CRACD: variants seen among roughly 807,000 people sequenced by gnomAD.
CRACD encodes capping protein-inhibiting regulator of actin dynamics.
CRACD carries 56 observed loss-of-function variants against 106.8 expected under a neutral mutation model. The observed-to-expected ratio is 0.52, with a 90% confidence interval of 0.42 to 0.66. The LOEUF is 0.66. Among genes scored for constraint, CRACD ranks in the 30% least tolerant of loss-of-function variants. The pLI is 0.00. For synonymous variants in CRACD, 754 were observed against 670.8 expected, an observed-to-expected ratio of 1.12 and a Z score of -1.92; for missense variants, 1,730 against 1,623.2, an observed-to-expected ratio of 1.07 and a Z score of -1.13.
chr4:56,098,350 A>G (rs1282971588), intron 1 of CRACD, among the ~76,000 whole-genome samples: 9 of 152,176 alleles, frequency 5.9e-5, no homozygotes, highest in Admixed American at 5.9e-4. Context: ...TGAAATTTTG[A>G]AATTTTTTGA....
At position 56,325,967 on chromosome 4, in the gene CRACD, G is replaced by A. The variant is rs571652983; in HGVS notation, c.3542-1677G>A. ...TGCTCTGTTGCCCATGCTGGAGTGCGATGGCGCCATCTCGGCTCACTGCAG... is the reference window on the plus strand; with the variant it reads ...TGCTCTGTTGCCCATGCTGGAGTGCAATGGCGCCATCTCGGCTCACTGCAG... On this transcript the variant is annotated intron_variant, in intron 10 of 10. Coordinates refer to ENST00000682029, the MANE Select transcript of CRACD (RefSeq NM_001393381.1). Among the ~76,000 whole-genome samples the A allele has an allele frequency of 2.7e-4, 41 of 152,292 alleles. 1 individual carries two copies. Among genetic ancestry groups the A allele is most frequent in the African/African-American group, 8.2e-4 (34 of 41,546 alleles).
chr4:56,271,029 C>T (rs1389697721), intron 2 of CRACD, among the ~76,000 whole-genome samples: 8 of 149,574 alleles, frequency 5.3e-5, no homozygotes, highest in African/African-American at 1.7e-4. Context: ...CACTTGAACC[C>T]GGGAGGCAGA....
At chr4:56,235,912 G>A (rs970259200) in intron 2 of CRACD, among the ~76,000 whole-genome samples, 1 of 152,172 alleles carries the variant, frequency 6.6e-6, no homozygotes, top group African/African-American at 2.4e-5. Flanking sequence ...ACAAGAACAT[G>A]TTTACCTACT....
At chr4:56,054,507 A>C (rs563205437) in intron 1 of CRACD, among the ~76,000 whole-genome samples, 2 of 152,320 alleles carry the variant, frequency 1.3e-5, no homozygotes, top group East Asian at 3.9e-4. Flanking sequence ...GTGAAAATTC[A>C]TAGAGATAAG....
chr4:56,078,333 A>G (rs1208490856), intron 1 of CRACD, among the ~76,000 whole-genome samples: 2 of 152,220 alleles, frequency 1.3e-5, no homozygotes, highest in Non-Finnish European at 2.9e-5. Flanking sequence ...AGATTAAAAC[A>G]TGAGTATTGA....
At position 56,143,029 on chromosome 4, in the gene CRACD, T is replaced by A. The variant is rs536691948; in HGVS notation, c.-335-36255T>A. Among the ~76,000 whole-genome samples the A allele has an allele frequency of 5.4e-3, 814 of 152,096 alleles. 6 individuals carry two copies. Among genetic ancestry groups the A allele is most frequent in the Middle Eastern group, 0.021 (6 of 292 alleles). On this transcript the variant is annotated intron_variant, in intron 1 of 10. Transcript: ENST00000682029. ...TTTTTTTTTACATATTATCAATCAT[T>A]TACCTTGCTAGAAAAAATTTTAGAA...
intron 3 of CRACD, among the ~76,000 whole-genome samples, chr4:56,279,369 C>A (rs201518412): frequency 2.3e-5 from 1 of 44,194 alleles, no homozygotes; most frequent in South Asian, 4.7e-4. Context: ...CAACCTACAA[C>A]ATGGGAGAAA....
intron 3 of CRACD, among the ~76,000 whole-genome samples, chr4:56,296,727 T>G (rs950972707): frequency 6.6e-6 from 1 of 152,200 alleles, no homozygotes; most frequent in Non-Finnish European, 1.5e-5. Flanking sequence ...CTGCCTGTGT[T>G]GCCTGGCATT....
intron 2 of CRACD, among the ~76,000 whole-genome samples, chr4:56,251,514 A>C (rs1413818834): frequency 6.6e-6 from 1 of 152,198 alleles, no homozygotes; most frequent in East Asian, 1.9e-4. Flanking sequence ...TACTTTCTTA[A>C]AGTTCTACCC....
chr4:56,263,652 C>T lies in CRACD; in HGVS notation c.-188-8669C>T, dbSNP rs116334021. 2.5e-3 allele frequency among the ~76,000 whole-genome samples: 388 copies of T among 152,318 alleles called. 1 individual carries two copies. The highest frequency in any genetic ancestry group is 9.0e-3 in the African/African-American group (374 of 41,564). ...CCTAATTACCTTTTAAAGACTCTAT[C>T]TCCAAATATTCGCATTCAGAGGTAC... On this transcript the variant is annotated intron_variant, in intron 2 of 10. Coordinates refer to ENST00000682029, the MANE Select transcript of CRACD (RefSeq NM_001393381.1).
intron 2 of CRACD, among the ~76,000 whole-genome samples, chr4:56,226,295 G>A (rs1356959544): frequency 6.6e-6 from 1 of 152,146 alleles, no homozygotes; most frequent in Admixed American, 6.5e-5. Flanking sequence ...CATTGTTTGG[G>A]ATCTAGGAAT....
chr4:56,197,808 G>A (rs906060350), intron 2 of CRACD, among the ~76,000 whole-genome samples: 19 of 151,956 alleles, frequency 1.3e-4, no homozygotes, highest in African/African-American at 4.6e-4. Context: ...CATCCAAGTA[G>A]CTGGGACTAT....
intron 2 of CRACD, among the ~76,000 whole-genome samples, chr4:56,191,036 A>G (rs1320111662): frequency 6.6e-6 from 1 of 152,186 alleles, no homozygotes; most frequent in African/African-American, 2.4e-5. Flanking sequence ...AAACCATATC[A>G]TGGGACTTCT....
rs1364680805 is a variant in CRACD at position 56,169,350 on chromosome 4, C to A, written c.-335-9934C>A. ...ATAATTTTTATCATCTAATCAGGAG[C>A]TTTGAGTTTCTAGCATTAGCTCAGG... is the stretch of plus-strand genomic sequence containing the variant. On this transcript the variant is annotated intron_variant, in intron 1 of 10. Transcript: ENST00000682029. Among the ~76,000 whole-genome samples, 5 of 152,250 alleles carry A rather than the reference C, an allele frequency of 3.3e-5. No homozygotes were observed. In the East Asian group the frequency reaches 7.7e-4, roughly 24 times the overall value.
chr4:56,247,565 G>C (rs1013671900), intron 2 of CRACD, among the ~76,000 whole-genome samples: 1 of 152,182 alleles, frequency 6.6e-6, no homozygotes, highest in African/African-American at 2.4e-5. Flanking sequence ...CCTGTTGTGA[G>C]CTGGGCACGG....
In CRACD at chr4:56,173,821, G is replaced by A. The variant is rs537336807; in HGVS notation, c.-335-5463G>A. Among the ~76,000 whole-genome samples, 9 of 152,118 alleles carry A rather than the reference G, an allele frequency of 5.9e-5. 1 individual carries two copies. Among genetic ancestry groups the A allele is most frequent in the South Asian group, 4.1e-4 (2 of 4,822 alleles). On this transcript the variant is annotated intron_variant, in intron 1 of 10. Transcript: ENST00000682029. The stretch of plus-strand genomic sequence containing the variant: ...TACTGTTTTTTTGTGTCCACTGTAC[G>A]TTTTACATTCCTACCAACAGGGTAC...
chr4:56,278,690 A>G (rs898769029), intron 3 of CRACD, among the ~76,000 whole-genome samples: 19 of 152,232 alleles, frequency 1.2e-4, no homozygotes, highest in Non-Finnish European at 1.5e-5. Flanking sequence ...GATATCATCA[A>G]GAAAGTTATA....
intron 3 of CRACD, among the ~76,000 whole-genome samples, chr4:56,286,954 C>T (rs901230210): frequency 3.9e-5 from 6 of 152,176 alleles, no homozygotes; most frequent in African/African-American, 1.4e-4. Flanking sequence ...CATAATCATC[C>T]TATCCATATA....
chr4:56,301,553 G>C (rs1368585368), intron 4 of CRACD, among the ~76,000 whole-genome samples: 1 of 152,094 alleles, frequency 6.6e-6, no homozygotes, highest in African/African-American at 2.4e-5. Flanking sequence ...TCTGAGATGA[G>C]ATGTCTACTG....
Sources: allele counts gnomAD v4.1 joint callset (sites outside exome capture counted in the v4.1 genomes callset), GRCh38; gene constraint gnomAD v4.1.1; transcripts MANE v1.5; gene names NCBI Gene and HGNC (gene_info 2026-07-23, HGNC 2026-07-21).